The following CEP89 variants were observed in gnomAD, a reference collection of about 807,000 sequenced individuals.
The protein encoded by CEP89 is centrosomal protein of 89 kDa.
In CEP89, 95 loss-of-function variants were observed where a neutral mutation model predicts 97.6. The ratio of observed to expected loss-of-function variants is 0.97; its 90% CI spans 0.82 to 1.15. The LOEUF is 1.15. Ranked by LOEUF, CEP89 falls within the 50% of genes most tolerant of loss-of-function variation. The pLI is 0.00. For missense variants in CEP89, 869 were observed against 947.7 expected (o/e 0.92, Z 1.09); for synonymous variants, 354 against 349.1 (o/e 1.01, Z -0.16).
At chr19:32,881,731 A>G in intron 18 of CEP89, 113 bp downstream of exon 18, 2 of 1,029,992 alleles carry the variant, frequency 1.9e-6, no homozygotes, top group Non-Finnish European at 2.7e-6. Context: ...AGTAAAATGT[A>G]GAAACAAAAT....
At chr19:32,902,564 C>A (rs1162125066) in intron 14 of CEP89, among the ~76,000 whole-genome samples, 2 of 152,210 alleles carry the variant, frequency 1.3e-5, no homozygotes, top group Non-Finnish European at 2.9e-5. Flanking sequence ...AGTTTTCGGA[C>A]TTTGGACAAC....
rs1293901648 is a variant in CEP89 at position 32,931,517 on chromosome 19, T to G, written c.941A>C (p.Glu314Ala). 2 of 1,587,816 alleles carry G rather than the reference T, an allele frequency of 1.3e-6. No individual in the cohort carries two copies. The highest frequency in any genetic ancestry group is 1.9e-5 in the Admixed American group (1 of 51,364). Residue 314 changes from glutamate (E) to alanine (A), a missense_variant, in exon 9 of 19, where the codon GAA (glutamate) becomes GCA (alanine). Coordinates refer to ENST00000305768, the MANE Select transcript of CEP89 (RefSeq NM_032816.5). Reference sequence around the variant, plus strand: ...GACAGTCATTTTCAATCCATCATTTTCATCCACCAGTTCTTGAGCTTGTTT... The same window carrying G: ...GACAGTCATTTTCAATCCATCATTTGCATCCACCAGTTCTTGAGCTTGTTT... ...LRKQAQELVD[E>A]NDGLKMTVHR...
chr19:32,912,813 C>T (rs574433695), intron 14 of CEP89, among the ~76,000 whole-genome samples: 170 of 151,892 alleles, frequency 1.1e-3, no homozygotes, highest in Non-Finnish European at 2.0e-3. Context: ...GAGGCTGAGG[C>T]GGGTGGATCA....
chr19:32,960,537 C>T (rs965469534), intron 2 of CEP89, among the ~76,000 whole-genome samples: 2 of 152,120 alleles, frequency 1.3e-5, no homozygotes, highest in African/African-American at 4.8e-5. Context: ...AGGCCAGGCG[C>T]GGTGGCTCAT....
chr19:32,960,001 A>G lies in CEP89; in HGVS notation c.204T>C (p.Ile68=). ...ATTLTGRTVA[I]PQPRQRSRSE... is the part of the protein sequence containing the mutation. ...ACCGGGACCTCTGGCGAGGCTGAGG[A>G]ATAGCAACCGTCCGCCCAGTCAATG... Residue 68 remains isoleucine, a synonymous_variant, in exon 3 of 19, where the codon ATT becomes ATC. Coordinates refer to ENST00000305768, the MANE Select transcript of CEP89 (RefSeq NM_032816.5). 6.2e-7 allele frequency: 1 copy of G among 1,614,184 alleles called. No individual in the cohort carries two copies.
rs1012994919 is a variant in CEP89, at chr19:32,894,646, A to T, written c.1875+5211T>A. Among the ~76,000 whole-genome samples, 33 of 152,238 alleles carry T rather than the reference A, an allele frequency of 2.2e-4. 1 individual carries two copies. Among genetic ancestry groups the T allele is most frequent in the African/African-American group, 7.2e-4 (30 of 41,464 alleles). ...TGGAGGTTTTATATGCTAATTATAC[A>T]TGTGATACATGTTAGAGCATGTACA... is the stretch of plus-strand genomic sequence containing the variant. On this transcript the variant is annotated intron_variant, in intron 16 of 18. Transcript: ENST00000305768.
intron 4 of CEP89, among the ~76,000 whole-genome samples, chr19:32,953,161 G>A (rs4805830): frequency 0.37 from 55,071 of 150,084 alleles, 10,304 homozygotes; most frequent in Admixed American, 0.48. Context: ...CGAGTCAGTG[G>A]GGGTCAGCTA....
At chr19:32,928,350 C>T (rs1970404939) in intron 9 of CEP89, among the ~76,000 whole-genome samples, 1 of 151,878 alleles carries the variant, frequency 6.6e-6, no homozygotes, top group Admixed American at 6.6e-5. Context: ...GTTTCTTTTC[C>T]TTCCGCCCTT....
chr19:32,927,793 T>C (rs551362273), intron 9 of CEP89, among the ~76,000 whole-genome samples: 28 of 149,868 alleles, frequency 1.9e-4, no homozygotes, highest in Non-Finnish European at 3.4e-4. Flanking sequence ...TTTGTAGAAA[T>C]GGGGTTTCAC....
intron 14 of CEP89, among the ~76,000 whole-genome samples, chr19:32,912,559 AAAG>A (rs1970023552): frequency 6.6e-6 from 1 of 152,134 alleles, no homozygotes; most frequent in African/African-American, 2.4e-5. Flanking sequence ...CCAATTTTTA[AAAG>A]AAATCTCACT....
intron 12 of CEP89, among the ~76,000 whole-genome samples, chr19:32,922,192 C>T (rs1043978786): frequency 6.6e-6 from 1 of 152,132 alleles, no homozygotes; most frequent in East Asian, 1.9e-4. Flanking sequence ...ACAGGATAGG[C>T]AGGCGCAGTG....
intron 17 of CEP89, among the ~76,000 whole-genome samples, chr19:32,882,526 C>T (rs1969306355): frequency 1.3e-5 from 2 of 149,580 alleles, no homozygotes; most frequent in South Asian, 2.1e-4. Flanking sequence ...CACGCCACTG[C>T]ACTCTAGCCT....
intron 3 of CEP89, among the ~76,000 whole-genome samples, chr19:32,958,936 G>A (rs1971107096): frequency 6.6e-6 from 1 of 151,960 alleles, no homozygotes; most frequent in African/African-American, 2.4e-5. Flanking sequence ...AGAATGGCTT[G>A]AACCCAGGAG....
At chr19:32,914,405 G>A (rs769045589) in intron 14 of CEP89, among the ~76,000 whole-genome samples, 7 of 151,974 alleles carry the variant, frequency 4.6e-5, no homozygotes, top group South Asian at 4.2e-4. Flanking sequence ...GACCACAGGC[G>A]CATACCACCA....
intron 16 of CEP89, 143 bp downstream of exon 16, chr19:32,899,714 C>G (rs997520685): frequency 4.3e-6 from 3 of 703,522 alleles, no homozygotes; most frequent in Non-Finnish European, 4.6e-6. Flanking sequence ...ATCATAAAGT[C>G]GAAAATTCCT....
chr19:32,888,682 C>CAA (rs141470151), intron 16 of CEP89, among the ~76,000 whole-genome samples: 87 of 126,980 alleles, frequency 6.9e-4, no homozygotes, highest in African/African-American at 2.3e-3. Flanking sequence ...GATTCTGTCT[C>CAA]AAAAAAAAAA....
chr19:32,926,625 G>A (rs55909060), intron 10 of CEP89, among the ~76,000 whole-genome samples: 22,180 of 152,206 alleles, frequency 0.15, 1,995 homozygotes, highest in Non-Finnish European at 0.21. Context: ...GCAGTGGCAC[G>A]ATCTCAGCTC....
rs1970293814 is a variant in CEP89 at position 32,923,479 on chromosome 19, G to C, written c.1228C>G (p.Gln410Glu). 5 of 1,609,210 alleles carry C rather than the reference G, an allele frequency of 3.1e-6. No individual in the cohort carries two copies. The highest frequency in any genetic ancestry group is 1.3e-5 in the African/African-American group (1 of 74,784). Residue 410 changes from glutamine to glutamate, a missense_variant, in exon 12 of 19, where the codon CAA becomes GAA. Physicochemically the swap from Gln to Glu is conservative, Grantham distance 29. Transcript: ENST00000305768. ...EVVKENEELH[Q>E]ELNKSSAVTS... ...ACAGCACTACTCTTATTTAACTCTTGGTGCAATTCTTCATTTTCTTTCACC... is the reference window on the plus strand; with the variant it reads ...ACAGCACTACTCTTATTTAACTCTTCGTGCAATTCTTCATTTTCTTTCACC...
rs1356874927 is a variant in CEP89, at chr19:32,966,418, C to G, written c.88G>C (p.Ala30Pro). ...LLPAASVAPK[A>P]AVPRTPPPRS... ...GGAGGAGGTGTGCGTGGCACAGCTG[C>G]CTTCGGAGCAACGCTGGCTGCAGGT... Residue 30 changes from alanine to proline, a missense_variant, in exon 2 of 19, where the codon GCA becomes CCA. Transcript: ENST00000305768. 3 of 1,563,882 alleles carry G rather than the reference C, an allele frequency of 1.9e-6. No individual in the cohort carries two copies. Among genetic ancestry groups the G allele is most frequent in the East Asian group, 4.9e-5 (2 of 41,190 alleles).
Sources: allele counts gnomAD v4.1 joint callset (sites outside exome capture counted in the v4.1 genomes callset), GRCh38; gene constraint gnomAD v4.1.1; transcripts MANE v1.5; gene names NCBI Gene and HGNC (gene_info 2026-07-23, HGNC 2026-07-21).